The following RPL7L1 variants were observed in gnomAD, a reference collection of about 807,000 sequenced individuals.
RPL7L1 encodes ribosomal protein L7 like 1.
RPL7L1 carries 20 observed loss-of-function variants against 30.3 expected under a neutral mutation model. The ratio of observed to expected loss-of-function variants is 0.66; its 90% CI spans 0.46 to 0.96. The LOEUF (loss-of-function observed/expected upper bound fraction) is 0.96, where lower values mean the gene tolerates loss of function less well. RPL7L1 is among the 40% of genes least tolerant of loss of function. The pLI is 0.00. For synonymous variants in RPL7L1, 107 were observed against 110.1 expected, an observed-to-expected ratio of 0.97 and a Z score of 0.18; for missense variants, 271 against 314.9, an observed-to-expected ratio of 0.86 and a Z score of 1.05.
In RPL7L1 at chr6:42,886,099, T is replaced by A; in HGVS notation, c.559+16T>A. 6.8e-7 allele frequency: 1 copy of A among 1,469,776 alleles called. No homozygotes were observed. The highest frequency in any genetic ancestry group is 9.5e-7 in the Non-Finnish European group (1 of 1,051,318). 91.0% of individuals were successfully genotyped at this position (1,469,776 alleles called of 1,614,324 possible). A position where few individuals can be genotyped will look rare whatever the true frequency, so the allele number is the denominator to read the frequency against. Reference sequence around the variant, plus strand: ...GAGCACCTGGGTGAGTGCTACAGCTTAGGGATCAGCTGGGGCAGAAAGCCA... The same window carrying A: ...GAGCACCTGGGTGAGTGCTACAGCTAAGGGATCAGCTGGGGCAGAAAGCCA... On this transcript the variant is annotated intron_variant, in intron 5 of 5. Transcript: ENST00000493763.
chr6:42,879,869 A>T lies in RPL7L1; in HGVS notation c.-42A>T. 6.2e-7 allele frequency: 1 copy of T among 1,609,508 alleles called. No individual in the cohort carries two copies. Among genetic ancestry groups the T allele is most frequent in the Non-Finnish European group, 8.5e-7 (1 of 1,176,678 alleles). On this transcript the variant is annotated 5_prime_UTR_variant, in exon 1 of 6. The change abolishes the stop of an existing upstream ORF in the 5' untranslated region. Coordinates refer to ENST00000493763, the MANE Select transcript of RPL7L1 (RefSeq NM_001366481.3). Reference sequence around the variant, plus strand: ...AGAACAGACGTCTCTATGGTCAAGTAAACAGAGCGTGTGCTGTCTTCCCCA... The same window carrying T: ...AGAACAGACGTCTCTATGGTCAAGTTAACAGAGCGTGTGCTGTCTTCCCCA...
chr6:42,884,896 T>A, intron 4 of RPL7L1, 146 bp downstream of exon 4: 1 of 744,928 alleles, frequency 1.3e-6, no homozygotes, highest in Non-Finnish European at 2.2e-6. Flanking sequence ...TGGGTAGCTG[T>A]AATAACCATG....
rs975228885 is a variant in RPL7L1 at position 42,887,047 on chromosome 6, G to C, written c.*583G>C. 6.3e-5 allele frequency: 9 copies of C among 143,308 alleles called. No individual in the cohort carries two copies. The highest frequency in any genetic ancestry group is 2.0e-4 in the African/African-American group (8 of 39,480). 8.9% of individuals were successfully genotyped at this position (143,308 alleles called of 1,614,324 possible). A position where few individuals can be genotyped will look rare whatever the true frequency, so the allele number is the denominator to read the frequency against. On this transcript the variant is annotated 3_prime_UTR_variant, in exon 6 of 6. Transcript: ENST00000493763. ...AGTCATTCAGATGGAAATGAGGAAA[G>C]AATAATATTAATAACTGATTTCAAA... is the stretch of plus-strand genomic sequence containing the variant.
At chr6:42,880,767 C>G (rs929578455) in intron 1 of RPL7L1, 94 bp from the exon 2 acceptor site, 7 of 644,186 alleles carry the variant, frequency 1.1e-5, no homozygotes, top group African/African-American at 9.2e-5. Flanking sequence ...CCCACCTCGG[C>G]CTCCCAGAGT....
intron 2 of RPL7L1, 111 bp downstream of exon 2, chr6:42,881,077 G>A (rs993412300): frequency 1.3e-5 from 9 of 673,892 alleles, no homozygotes; most frequent in Non-Finnish European, 2.4e-5. Context: ...CGGTTTGACA[G>A]ACCAGGTATA....
chr6:42,884,077 T>G (rs1766177842), intron 3 of RPL7L1: 1 of 156,864 alleles, frequency 6.4e-6, no homozygotes, highest in Non-Finnish European at 1.4e-5. Context: ...CAACTCTACT[T>G]CTTGCTGTTT....
At chr6:42,885,934 C>T (rs1717672362) in intron 4 of RPL7L1, 40 bp from the exon 5 acceptor site, 1 of 1,093,512 alleles carries the variant, frequency 9.1e-7, no homozygotes. Flanking sequence ...ATGTAGTGTG[C>T]CAGGTGCTGG....
intron 2 of RPL7L1, 193 bp from the exon 3 acceptor site, chr6:42,883,258 C>G (rs1260483461): frequency 2.3e-6 from 1 of 433,714 alleles, no homozygotes; most frequent in Non-Finnish European, 4.1e-6. Context: ...CCCAATAATT[C>G]CCAAGTTTCC....
intron 1 of RPL7L1, chr6:42,880,623 C>T (rs1205109996): frequency 5.5e-6 from 2 of 362,344 alleles, no homozygotes; most frequent in East Asian, 7.1e-5. Flanking sequence ...AGCGATTCTC[C>T]TGCCTCAGTC....
At chr6:42,885,799 C>T (rs1336658225) in intron 4 of RPL7L1, 175 bp from the exon 5 acceptor site, 1 of 562,884 alleles carries the variant, frequency 1.8e-6, no homozygotes, top group Non-Finnish European at 3.2e-6. Flanking sequence ...GGGGTCACTT[C>T]AGTTCTTTAT....
At chr6:42,885,777 A>G (rs1766245082) in intron 4 of RPL7L1, 197 bp from the exon 5 acceptor site, 2 of 500,574 alleles carry the variant, frequency 4.0e-6, no homozygotes, top group Admixed American at 3.2e-5. Flanking sequence ...TTAAATTTCT[A>G]ATTATGTAAG....
chr6:42,883,639 T>C (rs1766160575), intron 3 of RPL7L1, 25 bp downstream of exon 3: 1 of 1,551,904 alleles, frequency 6.4e-7, no homozygotes, highest in African/African-American at 1.4e-5. Flanking sequence ...TCTTTCTAAT[T>C]GCATGAGGCT....
rs201274931 is a variant in RPL7L1, at chr6:42,885,265, G to A, written c.449+515G>A. 3.3e-5 allele frequency among the ~76,000 whole-genome samples: 5 copies of A among 150,602 alleles called. No homozygotes were observed. In the East Asian group the frequency reaches 5.9e-4, roughly 18 times the overall value. On this transcript the variant is annotated intron_variant, in intron 4 of 5. Coordinates refer to ENST00000493763, the MANE Select transcript of RPL7L1 (RefSeq NM_001366481.3). ...CTTGGGAGGCTGAGGCAGGAGAATC[G>A]CTTGAATCCATGAGGCAGAGGTTGC... is the stretch of plus-strand genomic sequence containing the variant.
intron 1 of RPL7L1, 112 bp from the exon 2 acceptor site, chr6:42,880,749 G>C: frequency 1.7e-6 from 1 of 581,336 alleles, no homozygotes; most frequent in South Asian, 1.9e-5. Flanking sequence ...CTGACCTCAG[G>C]TAATCCACCC....
intron 5 of RPL7L1, 40 bp from the exon 6 acceptor site, chr6:42,886,216 A>G (rs1475220630): frequency 6.4e-7 from 1 of 1,552,396 alleles, no homozygotes; most frequent in Admixed American, 1.7e-5. Flanking sequence ...TATGCTGGAT[A>G]CATGTTAAAT....
rs1331697427 is a variant in RPL7L1, at chr6:42,879,895, T to A, written c.-16T>A. The A allele has an allele frequency of 1.2e-6, 2 of 1,613,334 alleles. No homozygotes were observed. The highest frequency in any genetic ancestry group is 1.1e-5 in the South Asian group (1 of 91,064). ...AACAGAGCGTGTGCTGTCTTCCCCA[T>A]GTGGTGGGGTTGCGCATGATCAGTA... On this transcript the variant is annotated 5_prime_UTR_variant, in exon 1 of 6. The change abolishes an upstream ATG in the 5' untranslated region. Coordinates refer to ENST00000493763, the MANE Select transcript of RPL7L1 (RefSeq NM_001366481.3).
intron 2 of RPL7L1, chr6:42,882,161 T>C (rs1257496772): frequency 6.6e-6 from 1 of 152,080 alleles, no homozygotes; most frequent in Non-Finnish European, 1.5e-5. Context: ...CCTTCCAAAG[T>C]GCTGGGATTA....
chr6:42,879,776 C>T lies in RPL7L1; in HGVS notation c.-135C>T. ...AAGCGGTGCAACTTTTGGCAGGAAT[C>T]GGGGTTAGCGGGACCTCAAGGGCTC... On this transcript the variant is annotated 5_prime_UTR_variant, in exon 1 of 6. Coordinates refer to ENST00000493763, the MANE Select transcript of RPL7L1 (RefSeq NM_001366481.3). The T allele has an allele frequency of 7.3e-6, 6 of 823,516 alleles. No individual in the cohort carries two copies. Among genetic ancestry groups the T allele is most frequent in the Non-Finnish European group, 1.2e-5 (6 of 484,248 alleles). 51.0% of individuals were successfully genotyped at this position (823,516 alleles called of 1,614,324 possible). A position where few individuals can be genotyped will look rare whatever the true frequency, so the allele number is the denominator to read the frequency against.
At chr6:42,884,368 T>C (rs898024372) in intron 3 of RPL7L1, among the ~76,000 whole-genome samples, 2 of 152,146 alleles carry the variant, frequency 1.3e-5, no homozygotes, top group African/African-American at 4.8e-5. Context: ...TGTGTAGACC[T>C]ACATACCACC....
Sources: gnomAD v4.1 joint callset for allele counts (sites outside exome capture counted in the v4.1 genomes callset) on GRCh38, gnomAD v4.1.1 for gene constraint, MANE v1.5 for transcripts, NCBI Gene and HGNC (gene_info 2026-07-23, HGNC 2026-07-21) for gene names.